The following SLC6A5 variants were observed in gnomAD, a reference collection of about 807,000 sequenced individuals.
SLC6A5 encodes sodium- and chloride-dependent glycine transporter 2.
Under a neutral mutation model 90.5 loss-of-function variants are expected in SLC6A5, and 58 were observed. The ratio of observed to expected loss-of-function variants is 0.64; its 90% confidence interval spans 0.52 to 0.80. The LOEUF is 0.80. Ranked by LOEUF, SLC6A5 falls within the 30% of genes least tolerant of loss-of-function variation. The pLI is 0.00. For missense variants in SLC6A5, 1,015 were observed against 1,017.6 expected (o/e 1.00, Z 0.03); for synonymous variants, 427 against 401.4 (o/e 1.06, Z -0.76).
At chr11:20,612,659 A>C (rs938153870) in intron 5 of SLC6A5, among the ~76,000 whole-genome samples, 25 of 152,232 alleles carry the variant, frequency 1.6e-4, no homozygotes, top group African/African-American at 6.0e-4. Context: ...TTAGGACTAT[A>C]GATGTGCAGT....
intron 7 of SLC6A5, among the ~76,000 whole-genome samples, chr11:20,623,417 T>C (rs1852930101): frequency 6.6e-6 from 1 of 152,078 alleles, no homozygotes; most frequent in Non-Finnish European, 1.5e-5. Flanking sequence ...CTCCTGAAAA[T>C]GTATCTGGCA....
chr11:20,654,786 A>G lies in SLC6A5; in HGVS notation c.2312A>G (p.Lys771Arg), dbSNP rs1853610882. 6.2e-7 allele frequency: 1 copy of G among 1,614,056 alleles called. No homozygotes were observed. The highest frequency in any genetic ancestry group is 8.5e-7 in the Non-Finnish European group (1 of 1,180,036). Residue 771 changes from lysine to arginine, a missense_variant, in exon 16 of 16, where the codon AAG becomes AGG. Lys to Arg is a conservative substitution (Grantham distance 26). Coordinates refer to ENST00000525748, the MANE Select transcript of SLC6A5 (RefSeq NM_004211.5). ...GCTCAACACCGCGGGGAGCGTTACA[A>G]GAACATGATCGACCCCTTGGGAACC... ...FLAQHRGERY[K>R]NMIDPLGTSS...
At chr11:20,603,506 G>A (rs1852517629) in intron 2 of SLC6A5, among the ~76,000 whole-genome samples, 1 of 152,220 alleles carries the variant, frequency 6.6e-6, no homozygotes, top group South Asian at 2.1e-4. Flanking sequence ...GAGAGCAAGT[G>A]GCTTGCCTGG....
In SLC6A5 at chr11:20,658,095, G is replaced by A. The variant is rs1312074250; in HGVS notation, c.*3227G>A. The A allele has an allele frequency of 1.3e-5, 2 of 152,134 alleles. No homozygotes were observed. Among genetic ancestry groups the A allele is most frequent in the African/African-American group, 4.8e-5 (2 of 41,422 alleles). 9.4% of individuals were successfully genotyped at this position (152,134 alleles called of 1,614,324 possible). On this transcript the variant is annotated 3_prime_UTR_variant, in exon 16 of 16. Transcript: ENST00000525748. ...GAGTTTAACATGATGACCTTTAAAT[G>A]GATAGGACTTGGGTTGTTTTTATGG...
intron 7 of SLC6A5, among the ~76,000 whole-genome samples, chr11:20,623,908 T>A (rs941479996): frequency 6.6e-6 from 1 of 151,992 alleles, no homozygotes; most frequent in Non-Finnish European, 1.5e-5. Context: ...GCTCTAATTT[T>A]TCATTTTTTC....
Position 20,626,793 on chromosome 11 carries a change from G to A in SLC6A5, c.1346G>A (p.Gly449Glu), listed in dbSNP as rs552955627. 28 of 1,614,060 alleles carry A rather than the reference G, an allele frequency of 1.7e-5. No homozygotes were observed. The South Asian group carries it at 3.1e-4, about 18-fold the overall frequency. The change falls in exon 8 of 16, where the codon GGG (glycine) becomes GAG (glutamate). Residue 449 changes from glycine (G) to glutamate (E), a missense_variant. Gly to Glu is a moderately conservative substitution (Grantham distance 98, BLOSUM62 -2). Coordinates refer to ENST00000525748, the MANE Select transcript of SLC6A5 (RefSeq NM_004211.5). Reference sequence around the variant, plus strand: ...GTCACCCTGCCTGGAGCTGGAGCTGGGATCTGGTACTTCATCACACCCAAG... The same window carrying A: ...GTCACCCTGCCTGGAGCTGGAGCTGAGATCTGGTACTTCATCACACCCAAG... ...RGVTLPGAGAGIWYFITPKWE... is the reference protein window; with the variant it reads ...RGVTLPGAGAEIWYFITPKWE...
At chr11:20,605,498 G>T (rs1852561845) in intron 3 of SLC6A5, among the ~76,000 whole-genome samples, 1 of 152,218 alleles carries the variant, frequency 6.6e-6, no homozygotes, top group East Asian at 1.9e-4. Flanking sequence ...CCTGAAAACA[G>T]ACCAGGTACC....
chr11:20,627,573 T>C (rs1053091973), intron 8 of SLC6A5, among the ~76,000 whole-genome samples: 2 of 152,180 alleles, frequency 1.3e-5, no homozygotes, highest in Non-Finnish European at 2.9e-5. Flanking sequence ...TTTCAGAAAT[T>C]TAATAGCAGT....
At chr11:20,616,358 G>A (rs1159555064) in intron 6 of SLC6A5, among the ~76,000 whole-genome samples, 1 of 152,208 alleles carries the variant, frequency 6.6e-6, no homozygotes, top group Non-Finnish European at 1.5e-5. Context: ...AAGCAGGTTT[G>A]CAAATCATTT....
chr11:20,638,554 G>A lies in SLC6A5; in HGVS notation c.1965G>A (p.Val655=), dbSNP rs755416411. The change falls in exon 13 of 16, where the codon GTG becomes GTA. Residue 655 remains valine (V), a synonymous_variant. Transcript: ENST00000525748. ...TTGAGCTCGTGGGGATCTCTTATGTGTATGGTAAGGAAATCACTGTGCCTG... is the reference window on the plus strand; with the variant it reads ...TTGAGCTCGTGGGGATCTCTTATGTATATGGTAAGGAAATCACTGTGCCTG... ...AIFELVGISY[V]YGLQRFCEDI... is the part of the protein sequence containing the mutation. 6.3e-6 allele frequency: 10 copies of A among 1,587,552 alleles called. No homozygotes were observed. Among genetic ancestry groups the A allele is most frequent in the Non-Finnish European group, 7.8e-6 (9 of 1,155,996 alleles).
rs771834560 is a variant in SLC6A5, at chr11:20,630,833, C to A, written c.1624+18C>A. 5 of 1,613,700 alleles carry A rather than the reference C, an allele frequency of 3.1e-6. No homozygotes were observed. Among genetic ancestry groups the A allele is most frequent in the Middle Eastern group, 3.3e-4 (2 of 6,080 alleles). Reference sequence around the variant, plus strand: ...AGACCAAGGTACAGGACAGTTGTTACCCTGCTGTTGCAGGGCAGGTCCCAG... The same window carrying A: ...AGACCAAGGTACAGGACAGTTGTTAACCTGCTGTTGCAGGGCAGGTCCCAG... On this transcript the variant is annotated intron_variant, in intron 10 of 15. Transcript: ENST00000525748.
At chr11:20,600,409 A>AAGAAGG (rs1590150786) in intron 1 of SLC6A5, among the ~76,000 whole-genome samples, 3 of 147,712 alleles carry the variant, frequency 2.0e-5, no homozygotes, top group South Asian at 4.4e-4. Flanking sequence ...GAAGAAGAAG[A>AAGAAGG]AGACCTAAAC....
At chr11:20,635,615 C>T (rs888428156) in intron 10 of SLC6A5, among the ~76,000 whole-genome samples, 7 of 152,084 alleles carry the variant, frequency 4.6e-5, no homozygotes, top group East Asian at 1.9e-4. Context: ...CAATGACACA[C>T]GTTTACCTAT....
chr11:20,656,191 T>C lies in SLC6A5; in HGVS notation c.*1323T>C, dbSNP rs550116795. ...TCTTCTTGTATCCTGAACATGCATA[T>C]ATGAAATTTTTAAAATGTGACATGT... is the stretch of plus-strand genomic sequence containing the variant. On this transcript the variant is annotated 3_prime_UTR_variant, in exon 16 of 16. Coordinates refer to ENST00000525748, the MANE Select transcript of SLC6A5 (RefSeq NM_004211.5). 1 of 152,354 alleles carries C rather than the reference T, an allele frequency of 6.6e-6. No homozygotes were observed. 9.4% of individuals were successfully genotyped at this position (152,354 alleles called of 1,614,324 possible).
intron 3 of SLC6A5, among the ~76,000 whole-genome samples, chr11:20,606,296 T>A (rs1852579713): frequency 6.6e-6 from 1 of 152,168 alleles, no homozygotes; most frequent in Admixed American, 6.5e-5. Flanking sequence ...ACAGGCTGAA[T>A]AAGACACTTA....
chr11:20,621,758 C>T (rs1396239916), intron 7 of SLC6A5, among the ~76,000 whole-genome samples: 1 of 152,216 alleles, frequency 6.6e-6, no homozygotes, highest in Non-Finnish European at 1.5e-5. Flanking sequence ...CTTCCTGCAG[C>T]CAGATAAGCT....
At chr11:20,639,611 T>C (rs905516921) in intron 13 of SLC6A5, among the ~76,000 whole-genome samples, 1 of 152,158 alleles carries the variant, frequency 6.6e-6, no homozygotes, top group Non-Finnish European at 1.5e-5. Flanking sequence ...ACCCCTGTTA[T>C]GAGCATCTTA....
chr11:20,630,621 G>C, intron 9 of SLC6A5, 70 bp from the exon 10 acceptor site: 1 of 1,572,836 alleles, frequency 6.4e-7, no homozygotes, highest in South Asian at 1.1e-5. Flanking sequence ...ACACATTTGT[G>C]TGTCCTTCCC....
chr11:20,601,402 G>T lies in SLC6A5; in HGVS notation c.277G>T (p.Ala93Ser). ...SSPRAQAASA[A>S]LRDLREAQGA... Reference sequence around the variant, plus strand: ...CCCGCGGGCGCAGGCGGCCTCTGCAGCTCTGCGGGACTTGAGAGAGGCGCA... The same window carrying T: ...CCCGCGGGCGCAGGCGGCCTCTGCATCTCTGCGGGACTTGAGAGAGGCGCA... Residue 93 changes from alanine to serine, a missense_variant, in exon 2 of 16, where the codon GCT becomes TCT. By Grantham distance (99) the Ala-to-Ser change is moderately conservative. This residue lies in a region of SLC6A5 where 567 missense variants were observed against 507.3 expected (regional missense o/e 1.12). Transcript: ENST00000525748. 6.2e-7 allele frequency: 1 copy of T among 1,605,108 alleles called. No homozygotes were observed. The highest frequency in any genetic ancestry group is 8.5e-7 in the Non-Finnish European group (1 of 1,176,508).
Sources: gnomAD v4.1 joint callset for allele counts (sites outside exome capture counted in the v4.1 genomes callset) on GRCh38, gnomAD v4.1.1 for gene constraint, gnomAD v4.1.1 regional missense constraint, MANE v1.5 for transcripts, NCBI Gene and HGNC (gene_info 2026-07-23, HGNC 2026-07-21) for gene names.